OSBPL6: variants seen among roughly 807,000 people sequenced by gnomAD.
OSBPL6 encodes oxysterol binding protein like 6.
Under a neutral mutation model 125.8 loss-of-function variants are expected in OSBPL6, and 49 were observed. The ratio of observed to expected loss-of-function variants is 0.39; its 90% CI spans 0.31 to 0.49. The LOEUF (loss-of-function observed/expected upper bound fraction) is 0.49. OSBPL6 is among the 20% of genes least tolerant of loss of function. The pLI is 0.88. For missense variants in OSBPL6, 986 were observed against 1,135.4 expected, an observed-to-expected ratio of 0.87 and a Z score of 1.89; for synonymous variants, 394 against 391.8, an observed-to-expected ratio of 1.01 and a Z score of -0.07.
chr2:178,235,428 A>G (rs1441402866), intron 1 of OSBPL6, among the ~76,000 whole-genome samples: 1 of 77,470 alleles, frequency 1.3e-5, no homozygotes, highest in African/African-American at 4.5e-5. Context: ...TTTTTTTGAG[A>G]CAAAGTCTCG....
intron 1 of OSBPL6, among the ~76,000 whole-genome samples, chr2:178,206,292 A>C (rs2089524217): frequency 6.6e-6 from 1 of 152,212 alleles, no homozygotes. Flanking sequence ...CCCAAATAGC[A>C]CTTAAAGTTG....
At chr2:178,347,078 CTT>C (rs1049911257) in intron 11 of OSBPL6, among the ~76,000 whole-genome samples, 1 of 152,040 alleles carries the variant, frequency 6.6e-6, no homozygotes, top group Non-Finnish European at 1.5e-5. Context: ...TTACGTTTTT[CTT>C]CTCAGCATCT....
chr2:178,333,176 G>A, intron 8 of OSBPL6, 135 bp downstream of exon 8: 3 of 915,566 alleles, frequency 3.3e-6, no homozygotes, highest in Non-Finnish European at 5.0e-6. Flanking sequence ...TGACAGCCAG[G>A]AGTTCGAGAC....
Position 178,328,355 on chromosome 2 carries a change from TG to T in OSBPL6, c.297del (p.Trp99CysfsTer3). 6.2e-7 allele frequency: 1 copy of T among 1,613,718 alleles called. No individual in the cohort carries two copies. The highest frequency in any genetic ancestry group is 8.5e-7 in the Non-Finnish European group (1 of 1,179,820). The stretch of plus-strand genomic sequence containing the variant: ...GGGCTTTATGCTGAAGAAAAGAAAA[TG>T]GCCTTTAAAAGGCTGGCACAAGGTA... Reference protein sequence around the residue: ...HEGFMLKKRKWPLKGWHKRFF... With the variant: ...HEGFMLKKRKXPLKGWHKRFF... On this transcript the variant is annotated frameshift_variant, in exon 5 of 25. Coordinates refer to ENST00000190611, the MANE Select transcript of OSBPL6 (RefSeq NM_032523.4). LOFTEE classifies it high-confidence loss of function.
At chr2:178,385,365 T>A in intron 18 of OSBPL6, 93 bp from the exon 19 acceptor site, 1 of 889,816 alleles carries the variant, frequency 1.1e-6, no homozygotes. Flanking sequence ...ACAGATTTAC[T>A]TATACATTTT....
intron 1 of OSBPL6, among the ~76,000 whole-genome samples, chr2:178,236,956 C>T (rs987421924): frequency 6.6e-6 from 1 of 152,144 alleles, no homozygotes; most frequent in Non-Finnish European, 1.5e-5. Context: ...TTAGCTTGGA[C>T]CTCAAGTAGG....
In OSBPL6 at chr2:178,373,990, AAGAGGTGCT is replaced by A; in HGVS notation, c.1497_1505del (p.Gln499_Leu502delinsHis). The stretch of plus-strand genomic sequence containing the variant: ...TCTGTTTCTGAGTTCTTTGATGCCC[AAGAGGTGCT>A]CCTCTCTGCAAGTTCGTCAGAGAAT... On this transcript the variant is annotated inframe_deletion, in exon 15 of 25. Transcript: ENST00000190611. 6.2e-7 allele frequency: 1 copy of A among 1,614,120 alleles called. No homozygotes were observed. Among genetic ancestry groups the A allele is most frequent in the Non-Finnish European group, 8.5e-7 (1 of 1,179,982 alleles).
intron 23 of OSBPL6, 32 bp from the exon 24 acceptor site, chr2:178,394,281 A>C: frequency 6.2e-7 from 1 of 1,600,258 alleles, no homozygotes; most frequent in Non-Finnish European, 8.5e-7. Flanking sequence ...AAAGAGGATA[A>C]TATGTTAAAA....
At chr2:178,304,558 G>T (rs1484039761) in intron 2 of OSBPL6, among the ~76,000 whole-genome samples, 1 of 152,048 alleles carries the variant, frequency 6.6e-6, no homozygotes, top group African/African-American at 2.4e-5. Context: ...ATGAGATGTG[G>T]GTGGGAACAC....
At chr2:178,377,634 TGCAGCTGCCAAAGGA>T (rs1204091546) in intron 15 of OSBPL6, among the ~76,000 whole-genome samples, 1 of 152,212 alleles carries the variant, frequency 6.6e-6, no homozygotes, top group East Asian at 1.9e-4. Flanking sequence ...TATCCTGCAC[TGCAGCTGCCAAAGGA>T]AATTGGGCCC....
intron 3 of OSBPL6, among the ~76,000 whole-genome samples, chr2:178,315,949 A>G (rs1687699232): frequency 6.6e-6 from 1 of 152,178 alleles, no homozygotes; most frequent in Non-Finnish European, 1.5e-5. Flanking sequence ...GGTCTACAAA[A>G]CTGCTTTATT....
chr2:178,328,759 A>G (rs1381871312), intron 5 of OSBPL6, among the ~76,000 whole-genome samples: 1 of 152,142 alleles, frequency 6.6e-6, no homozygotes, highest in Non-Finnish European at 1.5e-5. Context: ...AAGTCCTGGG[A>G]TTACAGGTGT....
Position 178,361,717 on chromosome 2 carries a change from G to A in OSBPL6, c.1189G>A (p.Ala397Thr). The A allele has an allele frequency of 6.2e-7, 1 of 1,614,114 alleles. No homozygotes were observed. The highest frequency in any genetic ancestry group is 2.2e-5 in the East Asian group (1 of 44,886). The change falls in exon 13 of 25, where the codon GCT becomes ACT. Residue 397 changes from alanine to threonine, a missense_variant. By Grantham distance (58) the Ala-to-Thr change is moderately conservative. Around this residue, in one of 3 missense-constraint regions of OSBPL6, gnomAD observed 843 missense variants for 997.3 expected, o/e 0.85. Transcript: ENST00000190611. Reference sequence around the variant, plus strand: ...TTTGAAGTCTGCATTTAATAGCATAGCTATAGAGAAGGAGAAGCTGAAGCA... The same window carrying A: ...TTTGAAGTCTGCATTTAATAGCATAACTATAGAGAAGGAGAAGCTGAAGCA... ...SLLKSAFNSI[A>T]IEKEKLKQMV...
At chr2:178,277,087 T>A (rs927462553) in intron 1 of OSBPL6, among the ~76,000 whole-genome samples, 5 of 152,232 alleles carry the variant, frequency 3.3e-5, no homozygotes, top group African/African-American at 1.2e-4. Context: ...GATCTGGACC[T>A]TTACAGAAAG....
intron 1 of OSBPL6, among the ~76,000 whole-genome samples, chr2:178,197,292 A>T (rs1281749615): frequency 2.6e-5 from 4 of 152,244 alleles, no homozygotes. Context: ...TGAAATACAT[A>T]TCTTTTTAGA....
chr2:178,291,726 CTCCTTCCTTTCTTTCCTTCCT>C (rs1559209294), intron 2 of OSBPL6, among the ~76,000 whole-genome samples: 1 of 148,822 alleles, frequency 6.7e-6, no homozygotes, highest in African/African-American at 2.5e-5. Context: ...CCCTCCCTCC[CTCCTTCCTTTCTTTCCTTCCT>C]TCCTCCCTTT....
chr2:178,320,804 T>C (rs1170740300), intron 3 of OSBPL6, among the ~76,000 whole-genome samples: 1 of 152,232 alleles, frequency 6.6e-6, no homozygotes, highest in South Asian at 2.1e-4. Context: ...ATTTTCCTGT[T>C]TTAAAACTTA....
intron 1 of OSBPL6, among the ~76,000 whole-genome samples, chr2:178,267,558 C>G (rs1221719018): frequency 1.3e-5 from 2 of 151,776 alleles, no homozygotes; most frequent in Non-Finnish European, 2.9e-5. Context: ...ATATATTATT[C>G]TAGTAAGTGA....
chr2:178,222,415 C>T (rs775238436), intron 1 of OSBPL6, among the ~76,000 whole-genome samples: 10 of 152,168 alleles, frequency 6.6e-5, no homozygotes, highest in African/African-American at 1.2e-4. Context: ...GAGGCCCAGG[C>T]GGGCGGATCA....
Sources: allele counts gnomAD v4.1 joint callset (sites outside exome capture counted in the v4.1 genomes callset), GRCh38; gene constraint gnomAD v4.1.1; regional missense constraint gnomAD v4.1.1; transcripts MANE v1.5; gene names NCBI Gene and HGNC (gene_info 2026-07-23, HGNC 2026-07-21).